EEPD1: variants seen among roughly 807,000 people sequenced by gnomAD.
EEPD1 encodes endonuclease/exonuclease/phosphatase family domain-containing protein 1.
EEPD1 carries 17 observed loss-of-function variants against 46.3 expected under a neutral mutation model. The ratio of observed to expected loss-of-function variants is 0.37; its 90% confidence interval spans 0.25 to 0.55. The LOEUF is 0.55. Ranked by LOEUF, EEPD1 falls within the 20% of genes least tolerant of loss-of-function variation. EEPD1 has a pLI of 0.83. For missense variants in EEPD1, 673 were observed against 745.6 expected (o/e 0.90, Z 1.13); for synonymous variants, 313 against 315.6 (o/e 0.99, Z 0.09).
In EEPD1 at chr7:36,296,883, C is replaced by T. The variant is rs1045752847; in HGVS notation, c.1316-110C>T. 1.5e-5 allele frequency: 16 copies of T among 1,086,798 alleles called. No individual in the cohort carries two copies. In the African/African-American group the frequency reaches 2.5e-4, roughly 17 times the overall value. The allele number at this position is 1,086,798 out of a possible 1,614,324, so 67.3% of individuals were successfully genotyped here. On this transcript the variant is annotated intron_variant, in intron 6 of 7. Coordinates refer to ENST00000242108, the MANE Select transcript of EEPD1 (RefSeq NM_030636.3). ...GTGAGAACCATGCCACAGTACTAAC[C>T]CCATGGGAGTCAAGTCAGAGAATCT... is the stretch of plus-strand genomic sequence containing the variant.
chr7:36,233,294 C>T lies in EEPD1; in HGVS notation c.879-5691C>T, dbSNP rs149244212. On this transcript the variant is annotated intron_variant, in intron 2 of 7. Coordinates refer to ENST00000242108, the MANE Select transcript of EEPD1 (RefSeq NM_030636.3). ...GAATGACAGTCAGTTACATAATTCA[C>T]GTAGTACCTTTCAACAAGGGAGGAT... 3.8e-3 allele frequency among the ~76,000 whole-genome samples: 579 copies of T among 152,322 alleles called. 5 individuals are homozygous for T. The highest frequency in any genetic ancestry group is 0.013 in the African/African-American group (550 of 41,556).
rs144434199 is a variant in EEPD1 at position 36,249,487 on chromosome 7, A to G, written c.930+10451A>G. On this transcript the variant is annotated intron_variant, in intron 3 of 7. Coordinates refer to ENST00000242108, the MANE Select transcript of EEPD1 (RefSeq NM_030636.3). ...CGCTATGGCATGCTTTATAACTATG[A>G]ATAAGTGGGAGGCAGTTCAGTGCTA... Among the ~76,000 whole-genome samples the G allele has an allele frequency of 2.5e-4, 38 of 152,294 alleles. No homozygotes were observed. In the East Asian group the frequency reaches 7.3e-3, roughly 29 times the overall value.
chr7:36,255,720 T>C (rs1462371568), intron 3 of EEPD1, among the ~76,000 whole-genome samples: 2 of 152,228 alleles, frequency 1.3e-5, no homozygotes, highest in Non-Finnish European at 2.9e-5. Flanking sequence ...CTTCTCTCTT[T>C]TCTTCATTAG....
At chr7:36,185,436 A>G (rs1234042953) in intron 2 of EEPD1, among the ~76,000 whole-genome samples, 1 of 152,168 alleles carries the variant, frequency 6.6e-6, no homozygotes, top group Non-Finnish European at 1.5e-5. Context: ...GTTTTTTGTT[A>G]TTACAAGCAG....
chr7:36,172,808 C>CA lies in EEPD1; in HGVS notation c.878+17614dup, dbSNP rs34057127. On this transcript the variant is annotated intron_variant, in intron 2 of 7. Coordinates refer to ENST00000242108, the MANE Select transcript of EEPD1 (RefSeq NM_030636.3). ...GTTGCTTCAGCAAATTAACCAAACC[C>CA]AAAAAAAAGGATCATGGAAACCTCA... is the stretch of plus-strand genomic sequence containing the variant. 9.6e-3 allele frequency among the ~76,000 whole-genome samples: 1,433 copies of CA among 149,594 alleles called. 32 individuals are homozygous for CA. The highest frequency in any genetic ancestry group is 0.034 in the African/African-American group (1,364 of 40,114).
chr7:36,170,212 C>T (rs1265299231), intron 2 of EEPD1, among the ~76,000 whole-genome samples: 6 of 152,158 alleles, frequency 3.9e-5, no homozygotes, highest in Non-Finnish European at 8.8e-5. Flanking sequence ...AGTTCGAGAC[C>T]AGCCTGGCCA....
At chr7:36,276,019 C>T (rs962352702) in intron 3 of EEPD1, among the ~76,000 whole-genome samples, 27 of 152,184 alleles carry the variant, frequency 1.8e-4, no homozygotes, top group African/African-American at 5.3e-4. Flanking sequence ...GCACCTTGTA[C>T]ATCTCGTAGA....
At chr7:36,296,596 A>G (rs1436993225) in intron 6 of EEPD1, among the ~76,000 whole-genome samples, 2 of 151,454 alleles carry the variant, frequency 1.3e-5, no homozygotes, top group African/African-American at 4.9e-5. Context: ...TGTCTCTCAG[A>G]GCAGGAGTTG....
chr7:36,155,618 C>A (rs1784813769), intron 2 of EEPD1, among the ~76,000 whole-genome samples: 2 of 152,172 alleles, frequency 1.3e-5, no homozygotes, highest in Admixed American at 1.3e-4. Flanking sequence ...ATCAAATATG[C>A]CTATTTGTGC....
chr7:36,166,966 C>T (rs1178762380), intron 2 of EEPD1, among the ~76,000 whole-genome samples: 1 of 152,174 alleles, frequency 6.6e-6, no homozygotes, highest in Non-Finnish European at 1.5e-5. Flanking sequence ...TCTCACAGTT[C>T]TGGAGGCTGG....
At chr7:36,216,946 C>T (rs531987991) in intron 2 of EEPD1, among the ~76,000 whole-genome samples, 2 of 152,316 alleles carry the variant, frequency 1.3e-5, no homozygotes, top group Non-Finnish European at 2.9e-5. Flanking sequence ...GCTGATGTTT[C>T]CTTTACTTTT....
chr7:36,260,907 T>C (rs1312943061), intron 3 of EEPD1, among the ~76,000 whole-genome samples: 1 of 152,252 alleles, frequency 6.6e-6, no homozygotes, highest in Admixed American at 6.5e-5. Flanking sequence ...AGCAATACAG[T>C]ATAACATCTG....
At chr7:36,204,982 G>A (rs982373021) in intron 2 of EEPD1, among the ~76,000 whole-genome samples, 8 of 152,158 alleles carry the variant, frequency 5.3e-5, no homozygotes, top group African/African-American at 1.9e-4. Context: ...ATAAGACAGG[G>A]CTAAAGCTTA....
chr7:36,283,061 G>A (rs372148614), intron 4 of EEPD1, among the ~76,000 whole-genome samples: 3 of 152,194 alleles, frequency 2.0e-5, no homozygotes, highest in Non-Finnish European at 4.4e-5. Context: ...GGGCTTACAC[G>A]ATAGCCAGAG....
chr7:36,219,248 G>T (rs1266840203), intron 2 of EEPD1, among the ~76,000 whole-genome samples: 1 of 151,706 alleles, frequency 6.6e-6, no homozygotes, highest in African/African-American at 2.4e-5. Flanking sequence ...CTTTCTTGTA[G>T]ATTTAAAAAA....
chr7:36,155,441 T>C (rs10247827), intron 2 of EEPD1, among the ~76,000 whole-genome samples: 26,359 of 152,160 alleles, frequency 0.17, 2,904 homozygotes, highest in Non-Finnish European at 0.25. Flanking sequence ...CTGAGACTGA[T>C]TCATAATTTT....
In EEPD1 at chr7:36,295,531, G is replaced by C. The variant is rs372540752; in HGVS notation, c.1316-1462G>C. On this transcript the variant is annotated intron_variant, in intron 6 of 7. Coordinates refer to ENST00000242108, the MANE Select transcript of EEPD1 (RefSeq NM_030636.3). ...TGTGTAGATACTCTAGCCTAAAGGA[G>C]GGGGAGCACAACTTCATTTTCTACA... is the stretch of plus-strand genomic sequence containing the variant. Among the ~76,000 whole-genome samples the C allele has an allele frequency of 1.6e-3, 243 of 151,830 alleles. 1 individual carries two copies. Among genetic ancestry groups the C allele is most frequent in the African/African-American group, 5.4e-3 (225 of 41,362 alleles).
chr7:36,221,726 C>T (rs1342599221), intron 2 of EEPD1, among the ~76,000 whole-genome samples: 1 of 152,106 alleles, frequency 6.6e-6, no homozygotes, highest in Non-Finnish European at 1.5e-5. Flanking sequence ...GAGGTCATGT[C>T]CATTTCAATT....
At chr7:36,251,483 T>C (rs1333755248) in intron 3 of EEPD1, among the ~76,000 whole-genome samples, 4 of 152,232 alleles carry the variant, frequency 2.6e-5, no homozygotes, top group Non-Finnish European at 4.4e-5. Context: ...CCTAATTTTG[T>C]ATTTTTAGTA....
Sources: allele counts gnomAD v4.1 joint callset (sites outside exome capture counted in the v4.1 genomes callset), GRCh38; gene constraint gnomAD v4.1.1; transcripts MANE v1.5; gene names NCBI Gene and HGNC (gene_info 2026-07-23, HGNC 2026-07-21).